Variants in NCOA4 observed in about 807,000 individuals in gnomAD.
NCOA4 encodes nuclear receptor coactivator 4, also known as 70 kDa AR-activator.
NCOA4 carries 31 observed loss-of-function variants against 69.5 expected under a neutral mutation model. The observed-to-expected ratio is 0.45, with a 90% CI of 0.34 to 0.60. The LOEUF is 0.60. Among genes scored for constraint, NCOA4 ranks in the 20% least tolerant of loss-of-function variants. The pLI, the probability that NCOA4 is intolerant of heterozygous loss-of-function variation, is 0.02. For synonymous variants in NCOA4, 228 were observed against 252.4 expected, an observed-to-expected ratio of 0.90 and a Z score of 0.92; for missense variants, 600 against 719.2, an observed-to-expected ratio of 0.83 and a Z score of 1.90.
chr10:46,029,026 T>C (rs1275909346), intron 1 of NCOA4, among the ~76,000 whole-genome samples: 1 of 142,128 alleles, frequency 7.0e-6, no homozygotes, highest in Non-Finnish European at 1.5e-5. Context: ...ACAGCTATAC[T>C]GATTTAATAA....
chr10:46,020,523 A>G (rs1839809329), intron 1 of NCOA4, among the ~76,000 whole-genome samples: 1 of 152,216 alleles, frequency 6.6e-6, no homozygotes, highest in South Asian at 2.1e-4. Context: ...GCCATTTATC[A>G]GGGCTATGAC....
intron 1 of NCOA4, among the ~76,000 whole-genome samples, chr10:46,020,119 C>A (rs976687078): frequency 6.6e-6 from 1 of 152,196 alleles, no homozygotes; most frequent in African/African-American, 2.4e-5. Context: ...GCCAGCTGTA[C>A]GAAATGTTAC....
At chr10:46,010,168 TAAATG>T (rs1410961474) in intron 8 of NCOA4, 50 bp downstream of exon 8, 1 of 1,527,388 alleles carries the variant, frequency 6.5e-7, no homozygotes, top group Non-Finnish European at 8.7e-7. Context: ...CATCTCAAAA[TAAATG>T]AATAAATAAA....
chr10:46,010,192 A>G (rs1554920812), intron 8 of NCOA4, 31 bp downstream of exon 8: 1 of 1,555,284 alleles, frequency 6.4e-7, no homozygotes, highest in Non-Finnish European at 8.6e-7. Context: ...AATAAAACTC[A>G]AACCAGTGCT....
intron 9 of NCOA4, among the ~76,000 whole-genome samples, chr10:46,007,581 CTTTTTTTTTTTTTTTTT>C (rs71026287): frequency 2.3e-5 from 2 of 85,476 alleles, no homozygotes; most frequent in African/African-American, 4.9e-5. Context: ...GCCAGTGACT[CTTTTTTTTTTTTTTTTT>C]TTTTTTTTTT....
At chr10:46,009,025 T>TTATA (rs1839025637) in intron 9 of NCOA4, 1 of 710,176 alleles carries the variant, frequency 1.4e-6, no homozygotes, top group Middle Eastern at 3.9e-4. Flanking sequence ...CTATAGTGTA[T>TTATA]TATATACAAC....
At chr10:46,021,218 A>G (rs1839851392) in intron 1 of NCOA4, among the ~76,000 whole-genome samples, 1 of 152,222 alleles carries the variant, frequency 6.6e-6, no homozygotes, top group Non-Finnish European at 1.5e-5. Context: ...ATTTCCAAAG[A>G]GCTTTAACTC....
rs1174513098 is a variant in NCOA4, at chr10:46,007,579, CT to C, written c.1840-983del. The stretch of plus-strand genomic sequence containing the variant: ...TGTTAGGGACTAACACAGCCAGTGA[CT>C]CTTTTTTTTTTTTTTTTTTTTTTTT... On this transcript the variant is annotated intron_variant, in intron 9 of 9. Coordinates refer to ENST00000581486, the MANE Select transcript of NCOA4 (RefSeq NM_001145263.2). Among the ~76,000 whole-genome samples, 1,255 of 125,684 alleles carry C rather than the reference CT, an allele frequency of 1.0e-2. 17 individuals are homozygous for C. The highest frequency in any genetic ancestry group is 0.015 in the Non-Finnish European group (898 of 60,934). 82.5% of individuals were successfully genotyped at this position (125,684 alleles called of 152,430 possible).
At chr10:46,015,831 A>G (rs551616338) in intron 2 of NCOA4, among the ~76,000 whole-genome samples, 7 of 152,368 alleles carry the variant, frequency 4.6e-5, no homozygotes, top group African/African-American at 1.7e-4. Context: ...AACAGCTAAA[A>G]GACCATTAGG....
intron 1 of NCOA4, among the ~76,000 whole-genome samples, chr10:46,019,022 A>AT (rs1369433558): frequency 6.6e-6 from 1 of 152,204 alleles, no homozygotes; most frequent in African/African-American, 2.4e-5. Context: ...TCTGTACACT[A>AT]TCTCAGCAAA....
Position 46,027,417 on chromosome 10 carries a change from A to C in NCOA4, c.-15+3109T>G, listed in dbSNP as rs1474580926. The stretch of plus-strand genomic sequence containing the variant: ...TCCTCTAACTGACATGCATGGAGAT[A>C]GTATTAATGCCTACCAGCTAGAGCA... On this transcript the variant is annotated intron_variant, in intron 1 of 9. Transcript: ENST00000581486. 3.9e-6 allele frequency: 6 copies of C among 1,550,892 alleles called. No homozygotes were observed. The Admixed American group carries it at 5.9e-5, about 15-fold the overall frequency.
In NCOA4 at chr10:46,010,811, A is replaced by G; in HGVS notation, c.1110T>C (p.Asn370=). The change falls in exon 8 of 10, where the codon AAT becomes AAC. Residue 370 remains asparagine, a synonymous_variant. Transcript: ENST00000581486. ...ATGGTTTCTTGGCCTCCAAGTGGTC[A>G]TTCAGGCACTTCAGATTGCCCAGGT... The part of the protein sequence containing the change: ...IENLGNLKCL[N]DHLEAKKPLS... The G allele has an allele frequency of 6.2e-7, 1 of 1,613,970 alleles. No homozygotes were observed.
At position 46,005,804 on chromosome 10, in the gene NCOA4, T is replaced by C. The variant is rs111347745; in HGVS notation, c.*788A>G. On this transcript the variant is annotated 3_prime_UTR_variant, in exon 10 of 10. Transcript: ENST00000581486. Reference sequence around the variant, plus strand: ...CTATACTACATTTCCAACATGTCTTTTGCCTATTTGCTTAGTCGGTACTGG... The same window carrying C: ...CTATACTACATTTCCAACATGTCTTCTGCCTATTTGCTTAGTCGGTACTGG... The C allele has an allele frequency of 6.7e-5, 14 of 209,060 alleles. No individual in the cohort carries two copies. Among genetic ancestry groups the C allele is most frequent in the Non-Finnish European group, 1.2e-4 (12 of 103,466 alleles). The allele number at this position is 209,060 out of a possible 1,614,324, so 13.0% of individuals were successfully genotyped here.
chr10:46,024,959 T>C, intron 1 of NCOA4, among the ~76,000 whole-genome samples: 1 of 152,266 alleles, frequency 6.6e-6, no homozygotes, highest in South Asian at 2.1e-4. Context: ...CAGACATAGA[T>C]ATAGACATAA....
In NCOA4 at chr10:46,005,425, C is replaced by CGGTAAGAGGCA. The variant is rs1427120054; in HGVS notation, c.*1156_*1166dup. The CGGTAAGAGGCA allele has an allele frequency of 1.4e-5, 3 of 217,558 alleles. No individual in the cohort carries two copies. The Admixed American group carries it at 1.7e-4, about 13-fold the overall frequency. The allele number at this position is 217,558 out of a possible 1,614,324, so 13.5% of individuals were successfully genotyped here. ...CATGAAGTTTCCCCAGAAGTATTTC[C>CGGTAAGAGGCA]GGTAAGAGGCAGTTAAGAAGCTTAA... is the stretch of plus-strand genomic sequence containing the variant. On this transcript the variant is annotated 3_prime_UTR_variant, in exon 10 of 10. Transcript: ENST00000581486.
At chr10:46,021,876 T>C (rs1345059917) in intron 1 of NCOA4, among the ~76,000 whole-genome samples, 5 of 152,126 alleles carry the variant, frequency 3.3e-5, no homozygotes, top group Non-Finnish European at 7.4e-5. Context: ...GGAGAATCGC[T>C]TGAACCTGGG....
Position 46,013,571 on chromosome 10 carries a change from G to A in NCOA4, c.549C>T (p.Gly183=). The stretch of plus-strand genomic sequence containing the variant: ...TTACCTGCTCTGGCATGGAGATACA[G>A]CCTCTCTTCTCCAGGAAGGGCCCAA... ...ANIGPFLEKR[G]CISMPEQKSA... The change falls in exon 6 of 10, where the codon GGC becomes GGT. Residue 183 remains glycine, a synonymous_variant. Transcript: ENST00000581486. 3.1e-6 allele frequency: 5 copies of A among 1,612,160 alleles called. No homozygotes were observed. Among genetic ancestry groups the A allele is most frequent in the Non-Finnish European group, 4.2e-6 (5 of 1,178,514 alleles).
Position 46,006,145 on chromosome 10 carries a change from A to G in NCOA4, c.*447T>C. On this transcript the variant is annotated 3_prime_UTR_variant, in exon 10 of 10. Transcript: ENST00000581486. The stretch of plus-strand genomic sequence containing the variant: ...TAGAACAGGAAAATAATTATTTCAG[A>G]CCACTAACAAAAGAAAACCCACAGC... The G allele has an allele frequency of 4.3e-6, 1 of 230,192 alleles. No individual in the cohort carries two copies. The highest frequency in any genetic ancestry group is 8.6e-6 in the Non-Finnish European group (1 of 116,066). 14.3% of individuals were successfully genotyped at this position (230,192 alleles called of 1,614,324 possible).
Position 46,013,272 on chromosome 10 carries a change from T to C in NCOA4, c.571-246A>G, listed in dbSNP as rs142165709. Among the ~76,000 whole-genome samples, 78 of 152,292 alleles carry C rather than the reference T, an allele frequency of 5.1e-4. 1 individual carries two copies. In the East Asian group the frequency reaches 0.011, roughly 22 times the overall value. On this transcript the variant is annotated intron_variant, in intron 6 of 9. Transcript: ENST00000581486. ...AGAAATAAATCATCTCTACAAATTA[T>C]AAAGAGGATCGCTCACAGAGAACCA...
Sources: allele counts gnomAD v4.1 joint callset (sites outside exome capture counted in the v4.1 genomes callset), GRCh38; gene constraint gnomAD v4.1.1; transcripts MANE v1.5; gene names NCBI Gene and HGNC (gene_info 2026-07-23, HGNC 2026-07-21).